The following RYR2 variants were observed in gnomAD, a reference collection of about 807,000 sequenced individuals.
RYR2 encodes the protein ryanodine receptor 2, also known as cardiac muscle ryanodine receptor-calcium release channel.
Under a neutral mutation model 601.1 loss-of-function variants are expected in RYR2, and 227 were observed. The ratio of observed to expected loss-of-function variants is 0.38; its 90% CI spans 0.34 to 0.42. RYR2 has a LOEUF of 0.42. RYR2 is among the 10% of genes least tolerant of loss of function. RYR2 has a pLI of 1.00. For missense variants in RYR2, 4,646 were observed against 6,156.5 expected (o/e 0.75, Z 8.21); for synonymous variants, 2,223 against 2,175.1 (o/e 1.02, Z -0.61).
intron 16 of RYR2, 134 bp downstream of exon 16, chr1:237,456,869 G>A (rs962871721): frequency 3.1e-6 from 3 of 971,550 alleles, no homozygotes; most frequent in African/African-American, 1.6e-5. Flanking sequence ...TTGAGGCCAG[G>A]AATTTGAGAC....
chr1:237,808,965 T>G lies in RYR2; in HGVS notation c.14363T>G (p.Phe4788Cys). ...VYLYTVVAFN[F>C]FRKFYNKSED... Reference sequence around the variant, plus strand: ...CTATACACTGTGGTGGCATTCAATTTTTTCCGAAAATTCTACAATAAAAGT... The same window carrying G: ...CTATACACTGTGGTGGCATTCAATTGTTTCCGAAAATTCTACAATAAAAGT... The change falls in exon 100 of 105, where the codon TTT (phenylalanine) becomes TGT (cysteine). Residue 4788 changes from phenylalanine to cysteine, a missense_variant. This residue lies in a region of RYR2 where 21 missense variants were observed against 24.8 expected (regional missense o/e 0.85). Coordinates refer to ENST00000366574, the MANE Select transcript of RYR2 (RefSeq NM_001035.3). 1 of 1,613,528 alleles carries G rather than the reference T, an allele frequency of 6.2e-7. No homozygotes were observed.
At chr1:237,633,900 A>C (rs1388791443) in intron 43 of RYR2, among the ~76,000 whole-genome samples, 190 bp downstream of exon 43, 1 of 152,168 alleles carries the variant, frequency 6.6e-6, no homozygotes, top group Non-Finnish European at 1.5e-5. Context: ...GCAAATTGAA[A>C]CCACAGTGAG....
At chr1:237,308,540 C>A (rs976465005) in intron 2 of RYR2, among the ~76,000 whole-genome samples, 1 of 151,984 alleles carries the variant, frequency 6.6e-6, no homozygotes, top group Non-Finnish European at 1.5e-5. Flanking sequence ...AGCCGCGGAC[C>A]CTTGCGGTGA....
chr1:237,646,813 C>A (rs1324815248), intron 48 of RYR2, among the ~76,000 whole-genome samples: 1 of 152,130 alleles, frequency 6.6e-6, no homozygotes, highest in Non-Finnish European at 1.5e-5. Flanking sequence ...CTGGTAATTG[C>A]GGGTGGATGT....
chr1:237,512,932 T>C (rs1194195347), intron 24 of RYR2, among the ~76,000 whole-genome samples: 1 of 152,168 alleles, frequency 6.6e-6, no homozygotes, highest in Non-Finnish European at 1.5e-5. Flanking sequence ...TTGCCCAGGC[T>C]GGCGAGCAAC....
chr1:237,508,080 C>T (rs1306078595), intron 23 of RYR2, among the ~76,000 whole-genome samples: 1 of 152,140 alleles, frequency 6.6e-6, no homozygotes, highest in Non-Finnish European at 1.5e-5. Flanking sequence ...TCTCCTGCTT[C>T]AGCCTCCCAA....
chr1:237,790,532 T>C (rs1658248719), intron 92 of RYR2, among the ~76,000 whole-genome samples: 1 of 152,168 alleles, frequency 6.6e-6, no homozygotes, highest in African/African-American at 2.4e-5. Flanking sequence ...CCTGAAATCC[T>C]CTAATAGCTT....
intron 104 of RYR2, among the ~76,000 whole-genome samples, chr1:237,832,333 T>A (rs1438437782): frequency 6.6e-6 from 1 of 152,078 alleles, no homozygotes; most frequent in Non-Finnish European, 1.5e-5. Context: ...ATTATAGGCT[T>A]GAGCCAGTGT....
intron 2 of RYR2, among the ~76,000 whole-genome samples, chr1:237,304,503 A>G (rs1383307480): frequency 2.6e-5 from 4 of 152,206 alleles, no homozygotes; most frequent in Admixed American, 2.0e-4. Flanking sequence ...CAGAAGATGC[A>G]TATATGAGCT....
At chr1:237,795,446 C>G in intron 96 of RYR2, 115 bp downstream of exon 96, 1 of 517,796 alleles carries the variant, frequency 1.9e-6, no homozygotes. Context: ...CTATTAATGT[C>G]TCCATTTTTT....
At chr1:237,308,117 AAATT>A (rs1441139612) in intron 2 of RYR2, among the ~76,000 whole-genome samples, 1 of 152,208 alleles carries the variant, frequency 6.6e-6, no homozygotes, top group Non-Finnish European at 1.5e-5. Context: ...TTAAGGGAAA[AAATT>A]AATAATGTTT....
chr1:237,400,007 C>T (rs1278527244), intron 10 of RYR2, among the ~76,000 whole-genome samples: 1 of 151,394 alleles, frequency 6.6e-6, no homozygotes, highest in Non-Finnish European at 1.5e-5. Flanking sequence ...ACACCAGGAT[C>T]TTACACAAAT....
rs1675089718 is a variant in RYR2, at chr1:237,590,953, A to G, written c.4121A>G (p.Lys1374Arg). The change falls in exon 31 of 105, where the codon AAA becomes AGA. Residue 1374 changes from lysine to arginine, a missense_variant. By Grantham distance (26) the Lys-to-Arg change is conservative. Transcript: ENST00000366574. ...ACTAAACCAGAGTTTAACAACCACA[A>G]AGATTATGCCCAGGAAAAGCCCTCT... ...EATKPEFNNH[K>R]DYAQEKPSRL... is the part of the protein sequence containing the mutation. 1 of 1,613,588 alleles carries G rather than the reference A, an allele frequency of 6.2e-7. No homozygotes were observed. The highest frequency in any genetic ancestry group is 8.5e-7 in the Non-Finnish European group (1 of 1,179,736).
intron 97 of RYR2, among the ~76,000 whole-genome samples, chr1:237,801,466 G>A (rs1856580): frequency 9.3e-5 from 14 of 150,198 alleles, no homozygotes; most frequent in African/African-American, 3.2e-4. Context: ...CGCTTGAACC[G>A]GGGAGGCAGA....
chr1:237,708,317 T>C (rs1237228598), intron 68 of RYR2, among the ~76,000 whole-genome samples: 4 of 152,192 alleles, frequency 2.6e-5, no homozygotes, highest in Non-Finnish European at 5.9e-5. Flanking sequence ...CCCCAGTGCA[T>C]ATATGTTACT....
chr1:237,631,589 T>C (rs1372151214), intron 42 of RYR2, 48 bp downstream of exon 42: 1 of 934,236 alleles, frequency 1.1e-6, no homozygotes, highest in African/African-American at 1.8e-5. Context: ...TCTCCTGGAG[T>C]ATATAGATTG....
chr1:237,728,681 G>A (rs979778148), intron 76 of RYR2, among the ~76,000 whole-genome samples: 2 of 151,614 alleles, frequency 1.3e-5, no homozygotes, highest in Non-Finnish European at 2.9e-5. Context: ...AACTAACACA[G>A]GAACAGAAAA....
intron 1 of RYR2, among the ~76,000 whole-genome samples, chr1:237,243,147 G>A (rs1686388882): frequency 6.6e-6 from 1 of 151,970 alleles, no homozygotes; most frequent in African/African-American, 2.4e-5. Context: ...CCGGGGTCAG[G>A]GGAGGGGTTC....
chr1:237,584,649 G>GTTTT (rs61131096), intron 29 of RYR2, among the ~76,000 whole-genome samples: 2,483 of 72,440 alleles, frequency 0.034, 264 homozygotes, highest in Admixed American at 0.065. Context: ...CTCACCACCT[G>GTTTT]TTTTTTTTTT....
Sources: allele counts gnomAD v4.1 joint callset (sites outside exome capture counted in the v4.1 genomes callset), GRCh38; gene constraint gnomAD v4.1.1; regional missense constraint gnomAD v4.1.1; transcripts MANE v1.5; gene names NCBI Gene and HGNC (gene_info 2026-07-23, HGNC 2026-07-21).